CYLC1: variants seen among roughly 807,000 people sequenced by gnomAD.
The protein encoded by CYLC1 is cylicin 1.
In CYLC1, 2 loss-of-function variants were observed where a neutral mutation model predicts 31.6. The ratio of observed to expected loss-of-function variants is 0.06; its 90% CI spans 0.03 to 0.20. The LOEUF (loss-of-function observed/expected upper bound fraction) is 0.20, where lower values mean the gene tolerates loss of function less well. Ranked by LOEUF, CYLC1 falls within the 10% of genes least tolerant of loss-of-function variation. The pLI is 1.00. For synonymous variants in CYLC1, 185 were observed against 153.0 expected, an observed-to-expected ratio of 1.21 and a Z score of -1.54; for missense variants, 595 against 424.1, an observed-to-expected ratio of 1.40 and a Z score of -3.54.
chrX:83,878,022 A>G (rs1301555497), intron 4 of CYLC1, among the ~76,000 whole-genome samples: 1 of 69,058 alleles, frequency 1.4e-5, no homozygotes, highest in Non-Finnish European at 2.5e-5. Context: ...ATATAAAAAT[A>G]TATATATTTG....
chrX:83,877,326 C>A (rs1234442965), intron 4 of CYLC1, among the ~76,000 whole-genome samples: 1 of 111,224 alleles, frequency 9.0e-6, no homozygotes, highest in African/African-American at 3.3e-5. Flanking sequence ...GTTGCCCAGG[C>A]TGGTCTTGAA....
At position 83,872,840 on chromosome X, in the gene CYLC1, A is replaced by G. The variant is rs750576655; in HGVS notation, c.178-46A>G. 1.6e-5 allele frequency: 15 copies of G among 924,293 alleles called. No individual in the cohort carries two copies. In the South Asian group the frequency reaches 4.0e-4, roughly 25 times the overall value. The allele number at this position is 924,293 out of a possible 1,213,427, so 76.2% of individuals were successfully genotyped here. A position where few individuals can be genotyped will look rare whatever the true frequency, so the allele number is the denominator to read the frequency against. ...CTTTTTTATGTTTCAATATAGAAAG[A>G]TAAAACTCATTCACAAATGCTTATT... On this transcript the variant is annotated intron_variant, in intron 3 of 4. Coordinates refer to ENST00000329312, the MANE Select transcript of CYLC1 (RefSeq NM_021118.3).
At chrX:83,863,385 C>A (rs1338837269) in intron 1 of CYLC1, among the ~76,000 whole-genome samples, 4 of 111,168 alleles carry the variant, frequency 3.6e-5, no homozygotes, top group African/African-American at 1.3e-4. Flanking sequence ...AATGACCTTT[C>A]TGTGGCTTTT....
At chrX:83,865,811 G>A (rs2031584918) in intron 1 of CYLC1, among the ~76,000 whole-genome samples, 1 of 111,364 alleles carries the variant, frequency 9.0e-6, no homozygotes, top group Non-Finnish European at 1.9e-5. Context: ...GGACCCACCT[G>A]GATAATCTAA....
intron 4 of CYLC1, among the ~76,000 whole-genome samples, chrX:83,881,932 G>A (rs1479549781): frequency 9.1e-6 from 1 of 110,037 alleles, no homozygotes; most frequent in Non-Finnish European, 1.9e-5. Context: ...TCCTGACTTC[G>A]TGATCTGCCC....
At chrX:83,884,684 G>T (rs1179907635) in intron 4 of CYLC1, among the ~76,000 whole-genome samples, 1 of 111,440 alleles carries the variant, frequency 9.0e-6, no homozygotes, top group Admixed American at 9.6e-5. Context: ...GGAATTTCTG[G>T]TTTGTTCTAT....
At position 83,873,968 on chromosome X, in the gene CYLC1, A is replaced by G. The variant is rs1298971906; in HGVS notation, c.1260A>G (p.Lys420=). Reference sequence around the variant, plus strand: ...AACTGGAGTCAAAGGAGAGTCAGAAAGATGAAAAAAAGGATAAAAAAGATT... The same window carrying G: ...AACTGGAGTCAAAGGAGAGTCAGAAGGATGAAAAAAAGGATAAAAAAGATT... ...ESELESKESQ[K]DEKKDKKDSK... is the part of the protein sequence containing the mutation. Residue 420 remains lysine, a synonymous_variant, in exon 4 of 5, where the codon AAA becomes AAG. Transcript: ENST00000329312. 2.6e-6 allele frequency: 3 copies of G among 1,176,141 alleles called. No homozygotes were observed. Among genetic ancestry groups the G allele is most frequent in the Admixed American group, 2.4e-5 (1 of 41,528 alleles).
At chrX:83,868,433 G>T (rs2031619876) in intron 1 of CYLC1, among the ~76,000 whole-genome samples, 1 of 110,345 alleles carries the variant, frequency 9.1e-6, no homozygotes, top group African/African-American at 3.3e-5. Flanking sequence ...ATTTCATTAT[G>T]GTTATAGATT....
intron 4 of CYLC1, among the ~76,000 whole-genome samples, chrX:83,878,314 TATATATAAATATATAAATATATATATAA>T (rs1191085842): frequency 2.3e-4 from 9 of 39,410 alleles, no homozygotes; most frequent in Non-Finnish European, 3.1e-4. Context: ...AATATATAAA[TATATATAAATATATAAATATATATATAA>T]ATATATAAAT....
Position 83,874,622 on chromosome X carries a change from T to C in CYLC1, c.1914T>C (p.Tyr638=), listed in dbSNP as rs1246866164. 3 of 1,193,232 alleles carry C rather than the reference T, an allele frequency of 2.5e-6. No individual in the cohort carries two copies. The highest frequency in any genetic ancestry group is 3.0e-5 in the East Asian group (1 of 33,711). ...CTCCTCCACCTCCAAAACCAAGATA[T>C]GCTCCTTTGGTAAGTTTACTACTGT... ...KMPPPPPKPR[Y]APLPEAPWIH... is the part of the protein sequence containing the mutation. The change falls in exon 4 of 5, where the codon TAT becomes TAC. Residue 638 remains tyrosine (Y), a synonymous_variant. Coordinates refer to ENST00000329312, the MANE Select transcript of CYLC1 (RefSeq NM_021118.3).
intron 1 of CYLC1, among the ~76,000 whole-genome samples, chrX:83,869,523 C>T (rs2031635166): frequency 9.0e-6 from 1 of 110,680 alleles, no homozygotes; most frequent in Non-Finnish European, 1.9e-5. Flanking sequence ...CCAACTCCAT[C>T]CATAGCCCTG....
chrX:83,866,089 A>T (rs1394878174), intron 1 of CYLC1, among the ~76,000 whole-genome samples: 1 of 111,557 alleles, frequency 9.0e-6, no homozygotes, highest in Non-Finnish European at 1.9e-5. Flanking sequence ...GCTATAGTGT[A>T]AATCATCTAA....
chrX:83,877,246 T>C (rs2031777171), intron 4 of CYLC1, among the ~76,000 whole-genome samples: 1 of 110,868 alleles, frequency 9.0e-6, no homozygotes, highest in African/African-American at 3.3e-5. Context: ...TTTCCTTATC[T>C]CCATTACTAC....
intron 4 of CYLC1, among the ~76,000 whole-genome samples, chrX:83,883,846 A>C (rs748456213): frequency 3.5e-4 from 39 of 112,101 alleles, no homozygotes; most frequent in African/African-American, 1.2e-3. Context: ...TTGTATAAAC[A>C]CAGCTGGAGC....
intron 3 of CYLC1, among the ~76,000 whole-genome samples, chrX:83,871,792 T>C (rs1444611970): frequency 9.0e-6 from 1 of 110,708 alleles, no homozygotes; most frequent in Non-Finnish European, 1.9e-5. Context: ...CTGGAGAACC[T>C]AATACTGCAC....
chrX:83,878,434 A>AAT (rs2031854321), intron 4 of CYLC1, among the ~76,000 whole-genome samples: 2 of 11,377 alleles, frequency 1.8e-4, no homozygotes, highest in African/African-American at 6.0e-4. Flanking sequence ...TATATATATA[A>AAT]ATATATATAA....
In CYLC1 at chrX:83,873,737, A is replaced by G; in HGVS notation, c.1029A>G (p.Glu343=). 12 of 1,192,365 alleles carry G rather than the reference A, an allele frequency of 1.0e-5. No homozygotes were observed. Among genetic ancestry groups the G allele is most frequent in the Non-Finnish European group, 1.4e-5 (12 of 882,894 alleles). The part of the protein sequence containing the change: ...TDAESGDSKD[E]RKDTKKDKKK... Reference sequence around the variant, plus strand: ...CTGAATCTGGAGACTCAAAGGATGAAAGGAAAGATACAAAGAAGGATAAGA... The same window carrying G: ...CTGAATCTGGAGACTCAAAGGATGAGAGGAAAGATACAAAGAAGGATAAGA... Residue 343 remains glutamate, a synonymous_variant, in exon 4 of 5, where the codon GAA becomes GAG. Transcript: ENST00000329312.
At chrX:83,863,636 T>C (rs1209092654) in intron 1 of CYLC1, among the ~76,000 whole-genome samples, 1 of 111,736 alleles carries the variant, frequency 8.9e-6, no homozygotes, top group East Asian at 2.8e-4. Context: ...ATCTTCAATT[T>C]AAATATAAAA....
intron 1 of CYLC1, among the ~76,000 whole-genome samples, chrX:83,868,814 A>G (rs932827875): frequency 1.8e-5 from 2 of 111,046 alleles, no homozygotes; most frequent in Non-Finnish European, 3.8e-5. Context: ...GTATATTAAT[A>G]TGTGGCATTA....
Sources: allele counts gnomAD v4.1 joint callset (sites outside exome capture counted in the v4.1 genomes callset), GRCh38; gene constraint gnomAD v4.1.1; transcripts MANE v1.5; gene names NCBI Gene and HGNC (gene_info 2026-07-23, HGNC 2026-07-21).